The following CNTNAP3B variants were observed in gnomAD, a reference collection of about 807,000 sequenced individuals.
The protein encoded by CNTNAP3B is contactin associated protein family member 3B.
A neutral mutation model predicts 108.9 loss-of-function variants in CNTNAP3B; 25 were observed. That is an observed-to-expected ratio of 0.23 (90% CI 0.17 to 0.32). The LOEUF (loss-of-function observed/expected upper bound fraction) is 0.32. Ranked by LOEUF, CNTNAP3B falls within the 10% of genes least tolerant of loss-of-function variation. The pLI is 1.00. For synonymous variants in CNTNAP3B, 103 were observed against 473.4 expected (o/e 0.22, Z 10.16); for missense variants, 252 against 1,210.4 (o/e 0.21, Z 11.75).
intron 15 of CNTNAP3B, among the ~76,000 whole-genome samples, chr9:41,924,328 G>A (rs79718635): frequency 0.064 from 8,973 of 140,114 alleles, 2 homozygotes; most frequent in Non-Finnish European, 0.092. Context: ...CGAAGCAAAA[G>A]CAATGAGACC....
chr9:41,966,654 T>A (rs1475327917), intron 10 of CNTNAP3B, among the ~76,000 whole-genome samples: 2 of 152,284 alleles, frequency 1.3e-5, no homozygotes, highest in African/African-American at 4.8e-5. Flanking sequence ...GAGTCTGATG[T>A]AAGAGGTGAT....
At chr9:41,920,836 G>A (rs1192361040) in intron 17 of CNTNAP3B, among the ~76,000 whole-genome samples, 46 of 152,390 alleles carry the variant, frequency 3.0e-4, no homozygotes, top group Non-Finnish European at 4.3e-4. Flanking sequence ...GCAAAGGAGG[G>A]GAAGTTGGAA....
intron 14 of CNTNAP3B, among the ~76,000 whole-genome samples, chr9:41,931,303 G>T (rs1823971239): frequency 6.6e-6 from 1 of 152,162 alleles, no homozygotes; most frequent in Non-Finnish European, 1.5e-5. Flanking sequence ...ATCACTTTGA[G>T]CAGTTATCCT....
In CNTNAP3B at chr9:42,036,449, T is replaced by G. The variant is rs1327282049; in HGVS notation, c.391-22924A>C. On this transcript the variant is annotated intron_variant, in intron 3 of 23. Coordinates refer to ENST00000377561, the MANE Select transcript of CNTNAP3B (RefSeq NM_001201380.3). ...GGAAATCTTTCTATGAATTTGGGTCTCACTAATACTTTTTAAGATCGAACT... is the reference window on the plus strand; with the variant it reads ...GGAAATCTTTCTATGAATTTGGGTCGCACTAATACTTTTTAAGATCGAACT... 1.1e-4 allele frequency among the ~76,000 whole-genome samples: 16 copies of G among 139,352 alleles called. 2 individuals are homozygous for G. The highest frequency in any genetic ancestry group is 1.0e-3 in the Admixed American group (14 of 13,986). The allele number at this position is 139,352 out of a possible 152,430, so 91.4% of individuals were successfully genotyped here. A position where few individuals can be genotyped will look rare whatever the true frequency, so the allele number is the denominator to read the frequency against.
In CNTNAP3B at chr9:41,953,297, A is replaced by G. The variant is rs1386047406; in HGVS notation, c.1966T>C (p.Ser656Pro). Residue 656 changes from serine (S) to proline (P), a missense_variant, in exon 13 of 24, where the codon TCC becomes CCC. Ser to Pro is a moderately conservative substitution (Grantham distance 74). Transcript: ENST00000377561. ...APSGHPLSAV[S>P]FAYAAGAGQL... ...CCCGCGCCCGCTGCGTACGCGAAGG[A>G]CACAGCCGAGAGCGGGTGCCCGCTG... The G allele has an allele frequency of 6.5e-7, 1 of 1,534,514 alleles. No individual in the cohort carries two copies. Among genetic ancestry groups the G allele is most frequent in the South Asian group, 1.2e-5 (1 of 83,936 alleles).
intron 14 of CNTNAP3B, among the ~76,000 whole-genome samples, chr9:41,930,109 G>A (rs1411011206): frequency 6.6e-6 from 1 of 152,286 alleles, no homozygotes; most frequent in Non-Finnish European, 1.5e-5. Context: ...TGATTACTGG[G>A]TATTTCTTTC....
At chr9:42,010,518 A>C (rs1024794372) in intron 4 of CNTNAP3B, among the ~76,000 whole-genome samples, 3 of 136,238 alleles carry the variant, frequency 2.2e-5, no homozygotes, top group Non-Finnish European at 4.7e-5. Context: ...AGATGCCCTC[A>C]AAGGCCTGGA....
chr9:41,954,837 C>T (rs1348154889), intron 12 of CNTNAP3B, among the ~76,000 whole-genome samples: 2 of 152,264 alleles, frequency 1.3e-5, no homozygotes, highest in Non-Finnish European at 2.9e-5. Flanking sequence ...GCACACACCA[C>T]CACACCTGGC....
Position 41,964,181 on chromosome 9 carries a change from A to G in CNTNAP3B, c.1756+357T>C, listed in dbSNP as rs1159919837. Among the ~76,000 whole-genome samples, 5 of 152,408 alleles carry G rather than the reference A, an allele frequency of 3.3e-5. No individual in the cohort carries two copies. The East Asian group carries it at 9.6e-4, about 29-fold the overall frequency. On this transcript the variant is annotated intron_variant, in intron 11 of 23. Coordinates refer to ENST00000377561, the MANE Select transcript of CNTNAP3B (RefSeq NM_001201380.3). ...GTTTTTCCACCTTTCTTTGACTGAG[A>G]AGATTCTCAGAATTAAAATTATGGT... is the stretch of plus-strand genomic sequence containing the variant.
At chr9:42,117,940 T>A (rs1420663369) in intron 1 of CNTNAP3B, among the ~76,000 whole-genome samples, 2 of 138,530 alleles carry the variant, frequency 1.4e-5, no homozygotes, top group East Asian at 4.4e-4. Flanking sequence ...AATGGATAAA[T>A]TCCTCGACAC....
intron 1 of CNTNAP3B, among the ~76,000 whole-genome samples, chr9:42,115,174 G>T (rs1463986859): frequency 7.2e-6 from 1 of 138,880 alleles, no homozygotes; most frequent in Non-Finnish European, 1.5e-5. Context: ...CAATCAAAGA[G>T]ATTTTTTGTA....
chr9:42,121,515 C>T (rs1176663090), intron 1 of CNTNAP3B, among the ~76,000 whole-genome samples: 2 of 138,078 alleles, frequency 1.4e-5, no homozygotes, highest in East Asian at 2.2e-4. Flanking sequence ...TCTGCCTAGC[C>T]TGCCAAAACA....
intron 8 of CNTNAP3B, among the ~76,000 whole-genome samples, chr9:41,986,634 A>G (rs1209164323): frequency 2.0e-5 from 3 of 151,506 alleles, no homozygotes; most frequent in Admixed American, 6.6e-5. Context: ...GTTTGGTTTA[A>G]TCTTCAAATG....
intron 3 of CNTNAP3B, among the ~76,000 whole-genome samples, chr9:42,075,219 C>G (rs1202206581): frequency 6.8e-6 from 1 of 146,548 alleles, no homozygotes; most frequent in Non-Finnish European, 1.5e-5. Context: ...GGTCAACCCT[C>G]CTGACTACAT....
In CNTNAP3B at chr9:42,127,358, A is replaced by G. The variant is rs1828594847; in HGVS notation, c.85+1652T>C. On this transcript the variant is annotated intron_variant, in intron 1 of 23. Coordinates refer to ENST00000377561, the MANE Select transcript of CNTNAP3B (RefSeq NM_001201380.3). ...CCACTGGATTCCAAGCAAAATAACT[A>G]TCAATACAACTAATCCTGAGAATAA... is the stretch of plus-strand genomic sequence containing the variant. Among the ~76,000 whole-genome samples, 2 of 139,444 alleles carry G rather than the reference A, an allele frequency of 1.4e-5. 1 individual carries two copies. The highest frequency in any genetic ancestry group is 3.1e-5 in the Non-Finnish European group (2 of 65,038). The allele number at this position is 139,444 out of a possible 152,430, so 91.5% of individuals were successfully genotyped here. A position where few individuals can be genotyped will look rare whatever the true frequency, so the allele number is the denominator to read the frequency against.
chr9:42,077,059 G>C lies in CNTNAP3B; in HGVS notation c.200C>G (p.Ala67Gly). The change falls in exon 3 of 24, where the codon GCT (alanine) becomes GGT (glycine). Residue 67 changes from alanine to glycine, a missense_variant. By Grantham distance (60) the Ala-to-Gly change is moderately conservative. Coordinates refer to ENST00000377561, the MANE Select transcript of CNTNAP3B (RefSeq NM_001201380.3). ...TGACACAAGTGGGGTCCAGCCACCAGCTCCTTTTTTGAAACAGAAAAAGTA... is the reference window on the plus strand; with the variant it reads ...TGACACAAGTGGGGTCCAGCCACCACCTCCTTTTTTGAAACAGAAAAAGTA... ...GFSRLNRRDG[A>G]GGWTPLVSNK... 15 of 1,538,518 alleles carry C rather than the reference G, an allele frequency of 9.7e-6. 1 individual carries two copies. The highest frequency in any genetic ancestry group is 1.3e-5 in the Non-Finnish European group (15 of 1,138,296).
Position 41,976,935 on chromosome 9 carries a change from A to T in CNTNAP3B, c.1478-6690T>A, listed in dbSNP as rs543428409. Reference sequence around the variant, plus strand: ...TCCCTGTCTAAAAAAAAGGCAAAACAACGAAACACCACCCCCCTAAATTTT... The same window carrying T: ...TCCCTGTCTAAAAAAAAGGCAAAACTACGAAACACCACCCCCCTAAATTTT... On this transcript the variant is annotated intron_variant, in intron 9 of 23. Transcript: ENST00000377561. 1.9e-4 allele frequency among the ~76,000 whole-genome samples: 27 copies of T among 142,212 alleles called. 1 individual carries two copies. The highest frequency in any genetic ancestry group is 7.4e-4 in the African/African-American group (27 of 36,432). The allele number at this position is 142,212 out of a possible 152,430, so 93.3% of individuals were successfully genotyped here.
chr9:41,924,660 C>CAT (rs1248222177), intron 15 of CNTNAP3B, among the ~76,000 whole-genome samples: 33 of 148,064 alleles, frequency 2.2e-4, no homozygotes, highest in Non-Finnish European at 3.8e-4. Context: ...CACACACACA[C>CAT]ACACACACAC....
In CNTNAP3B at chr9:42,107,970, G is replaced by A. The variant is rs568418352; in HGVS notation, c.86-3231C>T. Among the ~76,000 whole-genome samples the A allele has an allele frequency of 1.8e-3, 164 of 91,936 alleles. 18 individuals carry two copies. Among genetic ancestry groups the A allele is most frequent in the African/African-American group, 2.5e-3 (59 of 23,402 alleles). The allele number at this position is 91,936 out of a possible 152,430, so 60.3% of individuals were successfully genotyped here. ...AGGCTGGGCGACAGAGAAAGACTCC[G>A]TCTTAAAAAAAAAAAAAAGAAAGAA... On this transcript the variant is annotated intron_variant, in intron 1 of 23. Transcript: ENST00000377561.
Sources: gnomAD v4.1 joint callset for allele counts (sites outside exome capture counted in the v4.1 genomes callset) on GRCh38, gnomAD v4.1.1 for gene constraint, MANE v1.5 for transcripts, NCBI Gene and HGNC (gene_info 2026-07-23, HGNC 2026-07-21) for gene names.